GPA33: variants seen among roughly 807,000 people sequenced by gnomAD.
The protein encoded by GPA33 is glycoprotein A33.
A neutral mutation model predicts 35.6 loss-of-function variants in GPA33; 27 were observed. That is an observed-to-expected ratio of 0.76 (90% CI 0.56 to 1.04). The LOEUF (loss-of-function observed/expected upper bound fraction) is 1.04, where lower values mean the gene tolerates loss of function less well. GPA33 is among the 50% of genes least tolerant of loss of function. The pLI, the probability that GPA33 is intolerant of heterozygous loss-of-function variation, is 0.00. For synonymous variants in GPA33, 176 were observed against 164.0 expected, an observed-to-expected ratio of 1.07 and a Z score of -0.56; for missense variants, 428 against 411.9, an observed-to-expected ratio of 1.04 and a Z score of -0.34.
At chr1:167,082,509 T>C (rs954092761) in intron 1 of GPA33, among the ~76,000 whole-genome samples, 1 of 151,848 alleles carries the variant, frequency 6.6e-6, no homozygotes, top group African/African-American at 2.4e-5. Context: ...TGGAGGTGGG[T>C]TTGTAGGTTA....
chr1:167,070,876 G>A (rs962314150), intron 2 of GPA33, among the ~76,000 whole-genome samples: 1 of 152,160 alleles, frequency 6.6e-6, no homozygotes, highest in African/African-American at 2.4e-5. Context: ...CAGGGTAAGA[G>A]TTTTTTGGCT....
rs114895784 is a variant in GPA33, at chr1:167,057,635, G to A, written c.572-1786C>T. On this transcript the variant is annotated intron_variant, in intron 4 of 6. Transcript: ENST00000367868. ...TGCTAGGGGCAAAACCAGGGGAGTT[G>A]TCCTCTCTCCGCCCCACCGTCACTT... Among the ~76,000 whole-genome samples the A allele has an allele frequency of 4.3e-3, 653 of 152,276 alleles. 4 individuals are homozygous for A. Among genetic ancestry groups the A allele is most frequent in the African/African-American group, 0.015 (612 of 41,554 alleles).
intron 1 of GPA33, among the ~76,000 whole-genome samples, chr1:167,089,887 C>T (rs1051958549): frequency 2.6e-5 from 4 of 151,604 alleles, no homozygotes; most frequent in Non-Finnish European, 2.9e-5. Flanking sequence ...AGATAATGAA[C>T]ATATCTAGAT....
rs770755130 is a variant in GPA33 at position 167,069,113 on chromosome 1, G to A, written c.224C>T (p.Ser75Leu). 1 of 1,613,758 alleles carries A rather than the reference G, an allele frequency of 6.2e-7. No individual in the cohort carries two copies. Among genetic ancestry groups the A allele is most frequent in the Admixed American group, 1.7e-5 (1 of 60,004 alleles). ...CTCACCATGGATGTAGTTTTTGTTT[G>A]AAAACGGCCAGATGACCACCCTTTC... The part of the protein sequence containing the change: ...HTERVVIWPF[S>L]NKNYIHGELY... Residue 75 changes from serine to leucine, a missense_variant, in exon 3 of 7, where the codon TCA becomes TTA. By Grantham distance (145) the Ser-to-Leu change is moderately radical (BLOSUM62 -2). Coordinates refer to ENST00000367868, the MANE Select transcript of GPA33 (RefSeq NM_005814.3).
intron 6 of GPA33, 36 bp from the exon 7 acceptor site, chr1:167,054,502 C>T (rs1571299702): frequency 3.7e-6 from 6 of 1,613,754 alleles, no homozygotes; most frequent in South Asian, 1.1e-5. Flanking sequence ...GAAGGATTTG[C>T]TCTCAGGTGG....
intron 1 of GPA33, among the ~76,000 whole-genome samples, chr1:167,080,831 A>G (rs1234926941): frequency 6.6e-6 from 1 of 152,242 alleles, no homozygotes; most frequent in Non-Finnish European, 1.5e-5. Flanking sequence ...CCTAACATGT[A>G]AAAGGTCTCA....
intron 3 of GPA33, among the ~76,000 whole-genome samples, chr1:167,067,743 G>C (rs150578585): frequency 4.6e-5 from 7 of 152,238 alleles, no homozygotes; most frequent in African/African-American, 1.7e-4. Flanking sequence ...GCTGTTAATC[G>C]GTAGATCTGC....
At chr1:167,066,179 A>G (rs1327202423) in intron 3 of GPA33, among the ~76,000 whole-genome samples, 1 of 152,140 alleles carries the variant, frequency 6.6e-6, no homozygotes, top group African/African-American at 2.4e-5. Context: ...GGTGTCCCCA[A>G]AGTCACACCA....
chr1:167,068,871 C>G (rs757836461), intron 3 of GPA33, 51 bp downstream of exon 3: 1 of 1,438,286 alleles, frequency 7.0e-7, no homozygotes, highest in Non-Finnish European at 9.7e-7. Flanking sequence ...CCCTGTGCTG[C>G]CACCTGCCCA....
At position 167,054,990 on chromosome 1, in the gene GPA33, C is replaced by T; in HGVS notation, c.813G>A (p.Lys271=). The T allele has an allele frequency of 6.2e-7, 1 of 1,614,106 alleles. No individual in the cohort carries two copies. Among genetic ancestry groups the T allele is most frequent in the Non-Finnish European group, 8.5e-7 (1 of 1,180,016 alleles). Residue 271 remains lysine, a synonymous_variant, in exon 6 of 7, where the codon AAG becomes AAA. Transcript: ENST00000367868. ...CAGACACTCACGGCCTTGCATCCTC[C>T]TTGTCTTCAGTGTTGTCGTCCTTCC... ...CRGKDDNTED[K]EDARPNREAY...
At chr1:167,061,383 T>C (rs1313463942) in intron 4 of GPA33, among the ~76,000 whole-genome samples, 1 of 152,094 alleles carries the variant, frequency 6.6e-6, no homozygotes, top group African/African-American at 2.4e-5. Context: ...ACCATGACCA[T>C]GGCTGGAGTC....
Position 167,068,903 on chromosome 1 carries a change from A to G in GPA33, c.415+19T>C. On this transcript the variant is annotated intron_variant, in intron 3 of 6. Coordinates refer to ENST00000367868, the MANE Select transcript of GPA33 (RefSeq NM_005814.3). Reference sequence around the variant, plus strand: ...CCCACCCTCTTCCTACAACTCCTGAAAGACATGAAGACACTCACCGAGGAC... The same window carrying G: ...CCCACCCTCTTCCTACAACTCCTGAGAGACATGAAGACACTCACCGAGGAC... 6.3e-7 allele frequency: 1 copy of G among 1,597,250 alleles called. No individual in the cohort carries two copies. Among genetic ancestry groups the G allele is most frequent in the Non-Finnish European group, 8.6e-7 (1 of 1,166,430 alleles).
intron 1 of GPA33, chr1:167,082,191 G>A (rs2102201764): frequency 2.2e-6 from 1 of 452,684 alleles, no homozygotes; most frequent in Non-Finnish European, 4.4e-6. Flanking sequence ...CAGAGAGAGA[G>A]AGAGAATATT....
At chr1:167,055,449 G>A (rs942309906) in intron 5 of GPA33, among the ~76,000 whole-genome samples, 7 of 152,138 alleles carry the variant, frequency 4.6e-5, no homozygotes, top group African/African-American at 1.2e-4. Flanking sequence ...CTTCCTCCAC[G>A]CCCACCGAGT....
At chr1:167,063,385 G>T (rs754678301) in intron 4 of GPA33, among the ~76,000 whole-genome samples, 197 bp downstream of exon 4, 1 of 152,208 alleles carries the variant, frequency 6.6e-6, no homozygotes, top group African/African-American at 2.4e-5. Context: ...ACTCCAGCCT[G>T]GGCCACCTGG....
Position 167,073,381 on chromosome 1 carries a change from T to A in GPA33, c.198+4A>T. The A allele has an allele frequency of 6.2e-7, 1 of 1,613,124 alleles. No individual in the cohort carries two copies. Among genetic ancestry groups the A allele is most frequent in the Non-Finnish European group, 8.5e-7 (1 of 1,179,178 alleles). On this transcript the variant is annotated splice_donor_region_variant and intron_variant, in intron 2 of 6. Transcript: ENST00000367868. Reference sequence around the variant, plus strand: ...TGTTGCCTGAACTTGTAAAGTATCCTTACCGTATGAGTGAGGAGGAGCTTA... The same window carrying A: ...TGTTGCCTGAACTTGTAAAGTATCCATACCGTATGAGTGAGGAGGAGCTTA...
chr1:167,054,885 G>A (rs933470838), intron 6 of GPA33, 91 bp downstream of exon 6: 61 of 1,427,018 alleles, frequency 4.3e-5, no homozygotes, highest in Middle Eastern at 3.5e-4. Flanking sequence ...ACCCCAAGGG[G>A]TGCTGCAAGT....
At chr1:167,086,074 C>T (rs747546554) in intron 1 of GPA33, among the ~76,000 whole-genome samples, 15 of 152,216 alleles carry the variant, frequency 9.9e-5, no homozygotes, top group Non-Finnish European at 1.9e-4. Flanking sequence ...CCATTCATAA[C>T]ATCTTTTCTC....
At chr1:167,082,613 G>A (rs1170169531) in intron 1 of GPA33, among the ~76,000 whole-genome samples, 1 of 152,202 alleles carries the variant, frequency 6.6e-6, no homozygotes, top group Non-Finnish European at 1.5e-5. Context: ...GAGAGGAGGG[G>A]AAGGGCCAGG....
Sources: gnomAD v4.1 joint callset for allele counts (sites outside exome capture counted in the v4.1 genomes callset) on GRCh38, gnomAD v4.1.1 for gene constraint, MANE v1.5 for transcripts, NCBI Gene and HGNC (gene_info 2026-07-23, HGNC 2026-07-21) for gene names.